Variants in ZHX2 observed in about 807,000 individuals in gnomAD.
ZHX2 encodes the protein zinc fingers and homeoboxes 2.
Under a neutral mutation model 21.9 loss-of-function variants are expected in ZHX2, and 6 were observed. The ratio of observed to expected loss-of-function variants is 0.27; its 90% CI spans 0.15 to 0.54. The LOEUF (loss-of-function observed/expected upper bound fraction) is 0.54. Among genes scored for constraint, ZHX2 ranks in the 20% least tolerant of loss-of-function variants. The pLI, the probability that ZHX2 is intolerant of heterozygous loss-of-function variation, is 0.95. For synonymous variants in ZHX2, 434 were observed against 437.1 expected, an observed-to-expected ratio of 0.99 and a Z score of 0.09; for missense variants, 908 against 1,090.7, an observed-to-expected ratio of 0.83 and a Z score of 2.36.
chr8:122,868,644 T>G (rs1819355487), intron 2 of ZHX2, among the ~76,000 whole-genome samples: 1 of 139,818 alleles, frequency 7.2e-6, no homozygotes, highest in African/African-American at 2.7e-5. Flanking sequence ...GAGCTTACAG[T>G]GAGCCGAGAT....
At chr8:122,884,985 G>C (rs533688079) in intron 2 of ZHX2, among the ~76,000 whole-genome samples, 1 of 152,170 alleles carries the variant, frequency 6.6e-6, no homozygotes, top group Admixed American at 6.5e-5. Flanking sequence ...ATATTGTGCT[G>C]GGTCAGTGTA....
At chr8:122,959,482 C>A (rs1185971358) in intron 3 of ZHX2, among the ~76,000 whole-genome samples, 1 of 152,162 alleles carries the variant, frequency 6.6e-6, no homozygotes, top group Non-Finnish European at 1.5e-5. Flanking sequence ...CTGTACCAGA[C>A]CCTTACCGGC....
In ZHX2 at chr8:122,954,604, C is replaced by A. The variant is rs552488556; in HGVS notation, c.*4+576C>A. ...GATTACAGGCATGAGCCACTGAGCC[C>A]GGCTGATGAGTTATTTGTAAAGGTT... On this transcript the variant is annotated intron_variant, in intron 3 of 3. Coordinates refer to ENST00000314393, the MANE Select transcript of ZHX2 (RefSeq NM_014943.5). 2.6e-5 allele frequency among the ~76,000 whole-genome samples: 4 copies of A among 152,202 alleles called. No homozygotes were observed. The East Asian group carries it at 5.8e-4, about 22-fold the overall frequency.
At chr8:122,877,956 A>G (rs562280087) in intron 2 of ZHX2, among the ~76,000 whole-genome samples, 1 of 152,326 alleles carries the variant, frequency 6.6e-6, no homozygotes, top group Non-Finnish European at 1.5e-5. Context: ...TTTAAAATAA[A>G]TAGATTGGAA....
chr8:122,847,716 C>A lies in ZHX2; in HGVS notation c.-282-15761C>A, dbSNP rs191771919. On this transcript the variant is annotated intron_variant, in intron 1 of 3. Coordinates refer to ENST00000314393, the MANE Select transcript of ZHX2 (RefSeq NM_014943.5). ...CATGCCCTTTATTCCAAAGCTGGCG[C>A]CAGGGCCCAGGGCATCCCAAGTTCC... 2.0e-5 allele frequency among the ~76,000 whole-genome samples: 3 copies of A among 152,328 alleles called. No individual in the cohort carries two copies. The East Asian group carries it at 5.8e-4, about 29-fold the overall frequency.
chr8:122,804,388 C>T (rs964292781), intron 1 of ZHX2, among the ~76,000 whole-genome samples: 4 of 152,192 alleles, frequency 2.6e-5, no homozygotes, highest in African/African-American at 9.7e-5. Context: ...GGATTACAGA[C>T]GTAAGCCACC....
chr8:122,853,975 C>CG (rs1383567136), intron 1 of ZHX2, among the ~76,000 whole-genome samples: 2 of 152,198 alleles, frequency 1.3e-5, no homozygotes, highest in Non-Finnish European at 2.9e-5. Flanking sequence ...ATTTGAACCA[C>CG]GGGCCACCAG....
intron 1 of ZHX2, among the ~76,000 whole-genome samples, chr8:122,847,787 C>T (rs1201005373): frequency 6.6e-6 from 1 of 152,234 alleles, no homozygotes; most frequent in African/African-American, 2.4e-5. Flanking sequence ...GCACCACACT[C>T]TCCTCTCTGG....
intron 2 of ZHX2, among the ~76,000 whole-genome samples, chr8:122,945,220 A>C (rs1812939496): frequency 6.6e-6 from 1 of 152,144 alleles, no homozygotes; most frequent in Non-Finnish European, 1.5e-5. Flanking sequence ...TGGTGTCTTC[A>C]TCTGTGCACC....
At chr8:122,967,814 G>T (rs527363512) in intron 3 of ZHX2, among the ~76,000 whole-genome samples, 1 of 152,350 alleles carries the variant, frequency 6.6e-6, no homozygotes, top group African/African-American at 2.4e-5. Context: ...GCCAGCTGCA[G>T]TAGTAGAAGG....
At chr8:122,875,510 G>A (rs532783910) in intron 2 of ZHX2, among the ~76,000 whole-genome samples, 82 of 152,220 alleles carry the variant, frequency 5.4e-4, no homozygotes, top group Admixed American at 3.9e-3. Context: ...GGACCTTTGG[G>A]TCATGAAAGC....
intron 1 of ZHX2, chr8:122,807,895 T>G (rs1381299174): frequency 6.6e-6 from 1 of 152,240 alleles, no homozygotes; most frequent in Non-Finnish European, 1.5e-5. Context: ...GCTTACTCCC[T>G]CTTTATTAGA....
intron 2 of ZHX2, among the ~76,000 whole-genome samples, chr8:122,881,876 C>G (rs1819721578): frequency 6.6e-6 from 1 of 152,208 alleles, no homozygotes. Context: ...TACCTGCATT[C>G]ATTTGGAAAC....
At chr8:122,844,102 C>T (rs10505428) in intron 1 of ZHX2, among the ~76,000 whole-genome samples, 15,596 of 152,180 alleles carry the variant, frequency 0.1, 817 homozygotes, top group Middle Eastern at 0.14. Flanking sequence ...GCCTGTGTTC[C>T]TCCCTATGCA....
intron 1 of ZHX2, 75 bp from the exon 2 acceptor site, chr8:122,863,402 T>C (rs923265630): frequency 2.0e-4 from 30 of 152,588 alleles, no homozygotes; most frequent in Non-Finnish European, 1.3e-4. Context: ...CCCCATTGAC[T>C]CCATCCTGCT....
chr8:122,894,827 C>T (rs918036676), intron 2 of ZHX2, among the ~76,000 whole-genome samples: 7 of 152,134 alleles, frequency 4.6e-5, no homozygotes, highest in African/African-American at 1.7e-4. Context: ...ATCTTAGTAT[C>T]TTGACCCCCA....
At position 122,951,288 on chromosome 8, in the gene ZHX2, A is replaced by G. The variant is rs1813102473; in HGVS notation, c.-219-4A>G. ...ACTGACCCTGTCTTTGTTCTTGTCC[A>G]CAGATATGATGCTTCCTGGTGTGTT... On this transcript the variant is annotated splice_region_variant and splice_polypyrimidine_tract_variant and intron_variant, in intron 2 of 3. Coordinates refer to ENST00000314393, the MANE Select transcript of ZHX2 (RefSeq NM_014943.5). 1 of 541,172 alleles carries G rather than the reference A, an allele frequency of 1.8e-6. No individual in the cohort carries two copies. The highest frequency in any genetic ancestry group is 5.0e-4 in the Middle Eastern group (1 of 2,020). 33.5% of individuals were successfully genotyped at this position (541,172 alleles called of 1,614,324 possible).
At chr8:122,963,701 G>T (rs1813513071) in intron 3 of ZHX2, among the ~76,000 whole-genome samples, 1 of 152,088 alleles carries the variant, frequency 6.6e-6, no homozygotes, top group African/African-American at 2.4e-5. Context: ...TGAATTTATA[G>T]ATTGCTTTTG....
chr8:122,852,700 G>C (rs1440443360), intron 1 of ZHX2, among the ~76,000 whole-genome samples: 3 of 152,166 alleles, frequency 2.0e-5, no homozygotes, highest in Non-Finnish European at 4.4e-5. Flanking sequence ...TCATGGGCGT[G>C]AATGCAAAAG....
Sources: gnomAD v4.1 joint callset for allele counts (sites outside exome capture counted in the v4.1 genomes callset) on GRCh38, gnomAD v4.1.1 for gene constraint, MANE v1.5 for transcripts, NCBI Gene and HGNC (gene_info 2026-07-23, HGNC 2026-07-21) for gene names.